RSRC1: variants seen among roughly 807,000 people sequenced by gnomAD.
RSRC1 encodes arginine and serine rich coiled-coil 1, also known as serine/Arginine-related protein 53.
A neutral mutation model predicts 49.1 loss-of-function variants in RSRC1; 39 were observed. That is an observed-to-expected ratio of 0.79 (90% CI 0.61 to 1.04). The LOEUF (loss-of-function observed/expected upper bound fraction) is 1.04, where lower values mean the gene tolerates loss of function less well. RSRC1 is among the 50% of genes least tolerant of loss of function. The pLI, the probability that RSRC1 is intolerant of heterozygous loss-of-function variation, is 0.00. For synonymous variants in RSRC1, 143 were observed against 130.8 expected (o/e 1.09, Z -0.63); for missense variants, 388 against 402.4 (o/e 0.96, Z 0.31).
Position 158,123,991 on chromosome 3 carries a change from G to A in RSRC1, c.320G>A (p.Arg107Lys). Residue 107 changes from arginine to lysine, a missense_variant and splice_region_variant, in exon 3 of 10, where the codon AGG (arginine) becomes AAG (lysine). Arg to Lys is a conservative substitution (Grantham distance 26, BLOSUM62 2). Transcript: ENST00000611884. ...TCTAGGTCAAAAAGCAGAACAAGAA[G>A]GTATGCCTTATTAAGTATTTATTGC... ...QRSRSKSRTR[R>K]SRSRPRLRSH... 6.3e-7 allele frequency: 1 copy of A among 1,580,758 alleles called. No homozygotes were observed. Among genetic ancestry groups the A allele is most frequent in the Admixed American group, 1.8e-5 (1 of 54,936 alleles).
intron 5 of RSRC1, among the ~76,000 whole-genome samples, chr3:158,318,627 T>C (rs1472142248): frequency 2.0e-5 from 3 of 152,214 alleles, no homozygotes; most frequent in Non-Finnish European, 4.4e-5. Flanking sequence ...CCTCTGCTTT[T>C]ACCATCCTCT....
chr3:158,532,580 T>A (rs900533297), intron 7 of RSRC1, among the ~76,000 whole-genome samples: 13 of 151,844 alleles, frequency 8.6e-5, no homozygotes, highest in South Asian at 4.1e-4. Flanking sequence ...TACAATTTTT[T>A]AAAAATTTTT....
chr3:158,295,944 T>A (rs933696848), intron 4 of RSRC1, among the ~76,000 whole-genome samples: 2 of 152,092 alleles, frequency 1.3e-5, no homozygotes, highest in Admixed American at 1.3e-4. Flanking sequence ...CCATTTTGTG[T>A]GAACATTAAT....
chr3:158,510,619 T>G (rs1740104339), intron 7 of RSRC1, among the ~76,000 whole-genome samples: 1 of 152,194 alleles, frequency 6.6e-6, no homozygotes, highest in Admixed American at 6.5e-5. Context: ...AATGGGGTAC[T>G]CATCCCCTCA....
Position 158,367,639 on chromosome 3 carries a change from G to C in RSRC1, c.583+12731G>C, listed in dbSNP as rs568486889. Among the ~76,000 whole-genome samples the C allele has an allele frequency of 5.9e-5, 9 of 152,272 alleles. No homozygotes were observed. The East Asian group carries it at 1.7e-3, about 29-fold the overall frequency. ...GTGTCTCTGCCAGGTTTTGGTATCA[G>C]GATGATGCTGGCCTCATAAAATGAG... On this transcript the variant is annotated intron_variant, in intron 6 of 9. Coordinates refer to ENST00000611884, the MANE Select transcript of RSRC1 (RefSeq NM_001271838.2).
At chr3:158,395,364 C>CA (rs951682427) in intron 6 of RSRC1, among the ~76,000 whole-genome samples, 36 of 152,094 alleles carry the variant, frequency 2.4e-4, no homozygotes, top group African/African-American at 8.4e-4. Context: ...TTCTGCATAG[C>CA]AAAAGAAACT....
At chr3:158,346,641 G>A (rs1730567407) in intron 5 of RSRC1, among the ~76,000 whole-genome samples, 2 of 152,138 alleles carry the variant, frequency 1.3e-5, no homozygotes, top group Admixed American at 6.5e-5. Flanking sequence ...TGATGGTTGG[G>A]ATGTAGAGCA....
At chr3:158,512,541 G>C (rs996824740) in intron 7 of RSRC1, among the ~76,000 whole-genome samples, 1 of 152,200 alleles carries the variant, frequency 6.6e-6, no homozygotes, top group African/African-American at 2.4e-5. Context: ...TTTGAAGTCA[G>C]GTAGTGTGAT....
intron 3 of RSRC1, among the ~76,000 whole-genome samples, chr3:158,163,639 G>C (rs966556288): frequency 6.6e-6 from 1 of 151,936 alleles, no homozygotes; most frequent in Non-Finnish European, 1.5e-5. Context: ...AGGATCTTTT[G>C]GATATAGTAG....
chr3:158,219,109 G>A (rs1722101292), intron 4 of RSRC1, among the ~76,000 whole-genome samples: 1 of 151,640 alleles, frequency 6.6e-6, no homozygotes, highest in African/African-American at 2.4e-5. Context: ...GAAGAATATG[G>A]AAGAGGAAGT....
chr3:158,197,213 T>C (rs1720685644), intron 3 of RSRC1, among the ~76,000 whole-genome samples: 1 of 152,212 alleles, frequency 6.6e-6, no homozygotes. Flanking sequence ...TTCAACTTCT[T>C]CCTGGTTTAG....
chr3:158,158,932 C>CT (rs1186171338), intron 3 of RSRC1, among the ~76,000 whole-genome samples: 1 of 112,656 alleles, frequency 8.9e-6, no homozygotes, highest in Non-Finnish European at 1.8e-5. Flanking sequence ...GAGTGAGACT[C>CT]TGTCTCAAAA....
chr3:158,315,260 A>T (rs985809197), intron 5 of RSRC1, among the ~76,000 whole-genome samples: 2 of 152,206 alleles, frequency 1.3e-5, no homozygotes, highest in African/African-American at 2.4e-5. Context: ...TCTAGTCTTT[A>T]TAGCAACAAC....
chr3:158,266,186 C>T (rs1415490746), intron 4 of RSRC1, among the ~76,000 whole-genome samples: 2 of 152,028 alleles, frequency 1.3e-5, no homozygotes, highest in Non-Finnish European at 2.9e-5. Flanking sequence ...CTTATTGTTT[C>T]TCTGTAGTCC....
intron 7 of RSRC1, among the ~76,000 whole-genome samples, chr3:158,508,523 A>G (rs1739987699): frequency 4.6e-5 from 7 of 151,094 alleles, no homozygotes; most frequent in Admixed American, 4.6e-4. Flanking sequence ...TTAAATGCAT[A>G]TGTAGTCGCC....
rs527981044 is a variant in RSRC1, at chr3:158,370,992, C to T, written c.583+16084C>T. ...TTAATTTTTGCCATTTTATTGAGTG[C>T]GTTTTACTTCATTTAATTTAATGTG... On this transcript the variant is annotated intron_variant, in intron 6 of 9. Coordinates refer to ENST00000611884, the MANE Select transcript of RSRC1 (RefSeq NM_001271838.2). Among the ~76,000 whole-genome samples the T allele has an allele frequency of 5.9e-5, 9 of 151,772 alleles. No homozygotes were observed. In the South Asian group the frequency reaches 6.2e-4, roughly 11 times the overall value.
At chr3:158,526,671 T>G (rs1403669357) in intron 7 of RSRC1, among the ~76,000 whole-genome samples, 1 of 152,026 alleles carries the variant, frequency 6.6e-6, no homozygotes, top group African/African-American at 2.4e-5. Flanking sequence ...CCCCAGTGTT[T>G]TTATTGGCTC....
At chr3:158,291,030 T>G (rs1726906588) in intron 4 of RSRC1, among the ~76,000 whole-genome samples, 1 of 152,054 alleles carries the variant, frequency 6.6e-6, no homozygotes, top group Non-Finnish European at 1.5e-5. Context: ...CCTACCTATC[T>G]CTACAAAAAA....
chr3:158,304,404 TATC>T (rs994332228), intron 5 of RSRC1, among the ~76,000 whole-genome samples: 12 of 152,150 alleles, frequency 7.9e-5, no homozygotes, highest in South Asian at 2.1e-4. Flanking sequence ...AATGGATCAT[TATC>T]ATACTTTTGG....
Sources: allele counts gnomAD v4.1 joint callset (sites outside exome capture counted in the v4.1 genomes callset), GRCh38; gene constraint gnomAD v4.1.1; transcripts MANE v1.5; gene names NCBI Gene and HGNC (gene_info 2026-07-23, HGNC 2026-07-21).